The following MED20 variants were observed in gnomAD, a reference collection of about 807,000 sequenced individuals.
MED20 encodes mediator complex subunit 20.
A neutral mutation model predicts 19.7 loss-of-function variants in MED20; 19 were observed. That is an observed-to-expected ratio of 0.96 (90% CI 0.67 to 1.42). The LOEUF (loss-of-function observed/expected upper bound fraction) is 1.42. Among genes scored for constraint, MED20 ranks in the 40% most tolerant of loss-of-function variants. The pLI is 0.00. For missense variants in MED20, 225 were observed against 273.0 expected (o/e 0.82, Z 1.24); for synonymous variants, 105 against 104.8 (o/e 1.00, Z -0.01).
chr6:41,907,923 C>T (rs1049972076), intron 3 of MED20, among the ~76,000 whole-genome samples: 34 of 152,064 alleles, frequency 2.2e-4, no homozygotes, highest in African/African-American at 7.0e-4. Context: ...GTTTCTACTA[C>T]AAGATTAGAA....
chr6:41,915,380 G>A (rs1042496787), intron 2 of MED20, among the ~76,000 whole-genome samples: 1 of 152,194 alleles, frequency 6.6e-6, no homozygotes, highest in Non-Finnish European at 1.5e-5. Context: ...TGTAGTTTCA[G>A]CTACTCAGGA....
intron 1 of MED20, among the ~76,000 whole-genome samples, chr6:41,919,094 A>G (rs968283438): frequency 4.1e-5 from 6 of 145,358 alleles, no homozygotes; most frequent in African/African-American, 1.6e-4. Flanking sequence ...ACGCCACTGC[A>G]CTCCAGCCTG....
Position 41,905,971 on chromosome 6 carries a change from T to C in MED20, c.*1101A>G, listed in dbSNP as rs1221656935. ...TCTCTCAAGTCAACTCATAAACAAA[T>C]GCTTTAGTTACAGGAGGTATTAACT... On this transcript the variant is annotated 3_prime_UTR_variant, in exon 4 of 4. Transcript: ENST00000265350. 6.6e-6 allele frequency: 1 copy of C among 152,204 alleles called. No homozygotes were observed. Among genetic ancestry groups the C allele is most frequent in the African/African-American group, 2.4e-5 (1 of 41,452 alleles). The allele number at this position is 152,204 out of a possible 1,614,324, so 9.4% of individuals were successfully genotyped here. A position where few individuals can be genotyped will look rare whatever the true frequency, so the allele number is the denominator to read the frequency against.
Position 41,907,205 on chromosome 6 carries a change from G to A in MED20, c.506C>T (p.Thr169Ile), listed in dbSNP as rs1441940791. The change falls in exon 4 of 4, where the codon ACA becomes ATA. Residue 169 changes from threonine to isoleucine, a missense_variant. By Grantham distance (89) the Thr-to-Ile change is moderately conservative. Transcript: ENST00000265350. Reference protein sequence around the residue: ...EFLQSFLGSHTPGAPAVFGNR... With the variant: ...EFLQSFLGSHIPGAPAVFGNR... ...CCCAAACACTGCGGGAGCCCCTGGTGTGTGGCTGCCTAGAAAACTCTGTAG... is the reference window on the plus strand; with the variant it reads ...CCCAAACACTGCGGGAGCCCCTGGTATGTGGCTGCCTAGAAAACTCTGTAG... 1.5e-5 allele frequency: 24 copies of A among 1,613,938 alleles called. No individual in the cohort carries two copies. The highest frequency in any genetic ancestry group is 1.9e-5 in the Non-Finnish European group (22 of 1,180,020).
At position 41,916,962 on chromosome 6, in the gene MED20, G is replaced by A. The variant is rs41271269; in HGVS notation, c.15-23C>T. ...ACACTGGAAAGGAGAGCACCAAATCGTCAGTTATCCAGAGACACACGTGTG... is the reference window on the plus strand; with the variant it reads ...ACACTGGAAAGGAGAGCACCAAATCATCAGTTATCCAGAGACACACGTGTG... On this transcript the variant is annotated intron_variant, in intron 1 of 3. Coordinates refer to ENST00000265350, the MANE Select transcript of MED20 (RefSeq NM_004275.5). The A allele has an allele frequency of 8.0e-3, 12,935 of 1,612,998 alleles. 116 individuals carry two copies. Among genetic ancestry groups the A allele is most frequent in the Non-Finnish European group, 7.9e-3 (9,289 of 1,179,626 alleles).
At position 41,909,260 on chromosome 6, in the gene MED20, A is replaced by G; in HGVS notation, c.423+9T>C. On this transcript the variant is annotated intron_variant, in intron 3 of 3. Transcript: ENST00000265350. ...GAACATCCTGCTCCTATTTTCACCA[A>G]GGTCTTACCTCCACAGAGATGCCCC... 1.2e-6 allele frequency: 2 copies of G among 1,609,798 alleles called. No individual in the cohort carries two copies. The highest frequency in any genetic ancestry group is 1.1e-5 in the South Asian group (1 of 90,998).
chr6:41,908,982 A>G, intron 3 of MED20: 1 of 440,696 alleles, frequency 2.3e-6, no homozygotes, highest in South Asian at 5.3e-5. Context: ...CAGGAGTCTG[A>G]GATCAGCCTG....
chr6:41,912,593 G>A (rs111352238), intron 2 of MED20, among the ~76,000 whole-genome samples: 2 of 151,932 alleles, frequency 1.3e-5, no homozygotes, highest in African/African-American at 4.8e-5. Context: ...CTGACCTCAG[G>A]TGATCTGCCC....
At chr6:41,910,662 A>C (rs1194768748) in intron 2 of MED20, among the ~76,000 whole-genome samples, 1 of 151,656 alleles carries the variant, frequency 6.6e-6, no homozygotes, top group Non-Finnish European at 1.5e-5. Context: ...AAAGGTAAAA[A>C]CTGGAAAGCA....
At chr6:41,911,234 T>C (rs1031732485) in intron 2 of MED20, among the ~76,000 whole-genome samples, 1 of 149,784 alleles carries the variant, frequency 6.7e-6, no homozygotes, top group South Asian at 2.2e-4. Context: ...CACTGCAACC[T>C]CCACCTCTTA....
At chr6:41,916,692 C>G (rs995469708) in intron 2 of MED20, 93 bp downstream of exon 2, 3 of 1,491,382 alleles carry the variant, frequency 2.0e-6, no homozygotes, top group Non-Finnish European at 2.8e-6. Context: ...AAGAATACCA[C>G]CTTTAGCAGA....
chr6:41,909,322 C>T lies in MED20; in HGVS notation c.370G>A (p.Val124Met). 5 of 1,614,140 alleles carry T rather than the reference C, an allele frequency of 3.1e-6. No individual in the cohort carries two copies. The highest frequency in any genetic ancestry group is 4.2e-6 in the Non-Finnish European group (5 of 1,180,038). ...CCCATTGTGACCGTGCCCACCTTCA[C>T]CAGGAAGTCACAGTACTGGTACCTG... is the stretch of plus-strand genomic sequence containing the variant. ...GTRYQYCDFL[V>M]KVGTVTMGPS... Residue 124 changes from valine (V) to methionine (M), a missense_variant, in exon 3 of 4, where the codon GTG becomes ATG. Val to Met is a conservative substitution (Grantham distance 21). Coordinates refer to ENST00000265350, the MANE Select transcript of MED20 (RefSeq NM_004275.5).
At chr6:41,908,879 T>C (rs1032621182) in intron 3 of MED20, 1 of 247,874 alleles carries the variant, frequency 4.0e-6, no homozygotes, top group African/African-American at 2.2e-5. Context: ...GGCATAAATA[T>C]CTGTTTAAAT....
intron 1 of MED20, chr6:41,918,018 A>G (rs1235754555): frequency 3.7e-6 from 1 of 271,708 alleles, no homozygotes; most frequent in Non-Finnish European, 7.8e-6. Context: ...AACAAAACAA[A>G]AAAAAAACGT....
chr6:41,907,404 C>T, intron 3 of MED20, 117 bp from the exon 4 acceptor site: 5 of 886,340 alleles, frequency 5.6e-6, no homozygotes, highest in Non-Finnish European at 6.9e-6. Flanking sequence ...AGACACACAC[C>T]TCCTAGCACA....
intron 2 of MED20, among the ~76,000 whole-genome samples, chr6:41,912,097 G>T (rs1775208764): frequency 6.7e-6 from 1 of 150,246 alleles, no homozygotes; most frequent in Non-Finnish European, 1.5e-5. Flanking sequence ...CACCTAGGCT[G>T]GAGTGTAGTG....
rs1775032422 is a variant in MED20, at chr6:41,905,839, A to C, written c.*1233T>G. On this transcript the variant is annotated 3_prime_UTR_variant, in exon 4 of 4. Transcript: ENST00000265350. ...TATTCTAACCCTAAGATCAGGGTGC[A>C]TGAGAACTGGAGAGGCCTCAATACT... 6.6e-6 allele frequency: 1 copy of C among 152,204 alleles called. No homozygotes were observed. Among genetic ancestry groups the C allele is most frequent in the Admixed American group, 6.5e-5 (1 of 15,272 alleles). 9.4% of individuals were successfully genotyped at this position (152,204 alleles called of 1,614,324 possible).
chr6:41,920,256 T>C (rs1775425437), intron 1 of MED20, among the ~76,000 whole-genome samples: 1 of 152,200 alleles, frequency 6.6e-6, no homozygotes, highest in South Asian at 2.1e-4. Context: ...CATGATCTCC[T>C]TATTATCAAT....
Position 41,905,451 on chromosome 6 carries a change from A to G in MED20, c.*1621T>C, listed in dbSNP as rs1775022906. 6.6e-6 allele frequency: 1 copy of G among 152,244 alleles called. No homozygotes were observed. The highest frequency in any genetic ancestry group is 6.5e-5 in the Admixed American group (1 of 15,282). 9.4% of individuals were successfully genotyped at this position (152,244 alleles called of 1,614,324 possible). ...AACAAAAACGGGGTGAGAACAAAAA[A>G]TACAGATGACAGGTTCTGTAGTTAT... On this transcript the variant is annotated 3_prime_UTR_variant, in exon 4 of 4. Transcript: ENST00000265350.
Sources: allele counts gnomAD v4.1 joint callset (sites outside exome capture counted in the v4.1 genomes callset), GRCh38; gene constraint gnomAD v4.1.1; transcripts MANE v1.5; gene names NCBI Gene and HGNC (gene_info 2026-07-23, HGNC 2026-07-21).